Variants in TTC17 observed in about 807,000 individuals in gnomAD.
TTC17 encodes the protein tetratricopeptide repeat protein 17.
A neutral mutation model predicts 143.8 loss-of-function variants in TTC17; 58 were observed. That is an observed-to-expected ratio of 0.40 (90% CI 0.33 to 0.50). The LOEUF is 0.50. Ranked by LOEUF, TTC17 falls within the 20% of genes least tolerant of loss-of-function variation. The pLI is 0.49. For missense variants in TTC17, 1,273 were observed against 1,392.5 expected, an observed-to-expected ratio of 0.91 and a Z score of 1.37; for synonymous variants, 501 against 497.8, an observed-to-expected ratio of 1.01 and a Z score of -0.09.
In TTC17 at chr11:43,490,371, C is replaced by G; in HGVS notation, c.3150+13C>G. 1 of 1,589,014 alleles carries G rather than the reference C, an allele frequency of 6.3e-7. No homozygotes were observed. Among genetic ancestry groups the G allele is most frequent in the Non-Finnish European group, 8.6e-7 (1 of 1,163,552 alleles). On this transcript the variant is annotated intron_variant, in intron 22 of 23. Coordinates refer to ENST00000039989, the MANE Select transcript of TTC17 (RefSeq NM_018259.6). ...ACACCAGATGAAGGTGAGTGGGACT[C>G]AGAAGGTGGGAACTTCTGCCCCTTT... is the stretch of plus-strand genomic sequence containing the variant.
At chr11:43,406,021 C>CA (rs1342570284) in intron 13 of TTC17, 70 bp downstream of exon 13, 32 of 1,493,934 alleles carry the variant, frequency 2.1e-5, no homozygotes, top group Non-Finnish European at 2.8e-5. Context: ...TTAAATGGAA[C>CA]AAAAAATTGA....
chr11:43,374,501 A>G (rs971838804), intron 1 of TTC17, among the ~76,000 whole-genome samples: 8 of 152,082 alleles, frequency 5.3e-5, no homozygotes, highest in Admixed American at 4.6e-4. Context: ...GGGAGAAACT[A>G]TTCTCAAACT....
At chr11:43,388,074 C>T (rs550520699) in intron 2 of TTC17, among the ~76,000 whole-genome samples, 1 of 152,286 alleles carries the variant, frequency 6.6e-6, no homozygotes, top group South Asian at 2.1e-4. Context: ...ATATGACCCC[C>T]ATATTTCTGC....
chr11:43,472,512 T>C (rs1488008582), intron 21 of TTC17, among the ~76,000 whole-genome samples: 3 of 152,216 alleles, frequency 2.0e-5, no homozygotes, highest in Admixed American at 2.0e-4. Context: ...TAAATTTATA[T>C]GTAACTAATA....
intron 1 of TTC17, among the ~76,000 whole-genome samples, chr11:43,378,370 C>T (rs1278213999): frequency 6.6e-6 from 1 of 152,182 alleles, no homozygotes; most frequent in Non-Finnish European, 1.5e-5. Context: ...CTCCTGCTTC[C>T]TTATGTAAAG....
chr11:43,368,008 A>G (rs1001177868), intron 1 of TTC17, among the ~76,000 whole-genome samples: 3 of 152,218 alleles, frequency 2.0e-5, no homozygotes, highest in East Asian at 1.9e-4. Context: ...TGAGTAAGGG[A>G]GAGAGAATGT....
At chr11:43,428,728 G>A (rs191009363) in intron 16 of TTC17, among the ~76,000 whole-genome samples, 1 of 152,368 alleles carries the variant, frequency 6.6e-6, no homozygotes, top group Non-Finnish European at 1.5e-5. Flanking sequence ...TGTGAACAGA[G>A]TATTTCCCAG....
intron 21 of TTC17, among the ~76,000 whole-genome samples, chr11:43,470,003 C>T (rs927487158): frequency 1.3e-5 from 2 of 151,878 alleles, no homozygotes; most frequent in Non-Finnish European, 2.9e-5. Flanking sequence ...GGTAAATGTT[C>T]GAGGAGACAG....
intron 2 of TTC17, among the ~76,000 whole-genome samples, chr11:43,388,035 G>A (rs890075273): frequency 9.2e-5 from 14 of 152,168 alleles, no homozygotes; most frequent in South Asian, 2.1e-4. Flanking sequence ...AGATTGACAC[G>A]TCTATATAAA....
rs530005557 is a variant in TTC17 at position 43,405,987 on chromosome 11, A to C, written c.1761+36A>C. The C allele has an allele frequency of 8.5e-5, 136 of 1,594,306 alleles. 1 individual carries two copies. The South Asian group carries it at 1.4e-3, about 16-fold the overall frequency. On this transcript the variant is annotated intron_variant, in intron 13 of 23. Transcript: ENST00000039989. ...CTTAGGCTGGTATTTATTGCCGTCC[A>C]TTCTGGGTGACTTCAGAAGCCTCTT...
At chr11:43,470,214 A>G (rs1225544021) in intron 21 of TTC17, among the ~76,000 whole-genome samples, 1 of 152,222 alleles carries the variant, frequency 6.6e-6, no homozygotes, top group Admixed American at 6.5e-5. Flanking sequence ...TTTCACATTC[A>G]TGCCGCTGCA....
chr11:43,493,849 G>A lies in TTC17; in HGVS notation c.3371G>A (p.Arg1124Gln), dbSNP rs746570970. 17 of 1,613,912 alleles carry A rather than the reference G, an allele frequency of 1.1e-5. No homozygotes were observed. Among genetic ancestry groups the A allele is most frequent in the African/African-American group, 2.7e-5 (2 of 74,898 alleles). Residue 1124 changes from arginine (R) to glutamine (Q), a missense_variant, in exon 24 of 24, where the codon CGA becomes CAA. Physicochemically the swap from Arg to Gln is conservative, Grantham distance 43. Coordinates refer to ENST00000039989, the MANE Select transcript of TTC17 (RefSeq NM_018259.6). Reference sequence around the variant, plus strand: ...CCCGAGTTTGTCCCAGCCAAGAACCGAATCCAGACCATCCAGTGTCACTTA... The same window carrying A: ...CCCGAGTTTGTCCCAGCCAAGAACCAAATCCAGACCATCCAGTGTCACTTA... ...LQPEFVPAKNRIQTIQCHLML... is the reference protein window; with the variant it reads ...LQPEFVPAKNQIQTIQCHLML...
In TTC17 at chr11:43,404,051, A is replaced by G. The variant is rs187427778; in HGVS notation, c.1386A>G (p.Gln462=). The change falls in exon 11 of 24, where the codon CAA becomes CAG. Residue 462 remains glutamine, a synonymous_variant. Coordinates refer to ENST00000039989, the MANE Select transcript of TTC17 (RefSeq NM_018259.6). ...TGATGTCTGTGAACTTTGATGTTCA[A>G]TCAAATCAGAGTGATATCAATGATT... ...SSMMSVNFDV[Q]SNQSDINDSV... 9.1e-5 allele frequency: 147 copies of G among 1,612,988 alleles called. No individual in the cohort carries two copies. The highest frequency in any genetic ancestry group is 5.7e-4 in the South Asian group (52 of 90,926).
At chr11:43,424,200 A>T (rs1268782470) in intron 16 of TTC17, among the ~76,000 whole-genome samples, 1 of 149,538 alleles carries the variant, frequency 6.7e-6, no homozygotes, top group Non-Finnish European at 1.5e-5. Flanking sequence ...TCAAGCAATT[A>T]TCTTGCCTCA....
intron 5 of TTC17, among the ~76,000 whole-genome samples, chr11:43,395,766 A>G (rs1590350399): frequency 6.6e-6 from 1 of 152,320 alleles, no homozygotes; most frequent in East Asian, 1.9e-4. Flanking sequence ...CATTAAAATA[A>G]CTCTTTTAAA....
chr11:43,462,784 A>G (rs1319558516), intron 21 of TTC17, among the ~76,000 whole-genome samples: 3 of 152,124 alleles, frequency 2.0e-5, no homozygotes, highest in Admixed American at 6.5e-5. Context: ...AGAAATAGAC[A>G]TATTCCCAAT....
chr11:43,387,144 A>G (rs542653357), intron 2 of TTC17, among the ~76,000 whole-genome samples: 3 of 152,346 alleles, frequency 2.0e-5, no homozygotes, highest in Admixed American at 6.5e-5. Flanking sequence ...AAACTTAAAC[A>G]GTTAATTCAC....
intron 1 of TTC17, among the ~76,000 whole-genome samples, chr11:43,368,246 C>G (rs1856425959): frequency 6.6e-6 from 1 of 152,120 alleles, no homozygotes; most frequent in African/African-American, 2.4e-5. Flanking sequence ...GCATAAAGTA[C>G]CATTTATATT....
Position 43,443,495 on chromosome 11 carries a change from C to T in TTC17, c.2422C>T (p.Arg808Trp), listed in dbSNP as rs749202075. ...GCGGCGTCTAGACTTACAAGGAATACGGGTGCTGAAGAAAGGTCCCCAGGA... is the reference window on the plus strand; with the variant it reads ...GCGGCGTCTAGACTTACAAGGAATATGGGTGCTGAAGAAAGGTCCCCAGGA... ...KGRRLDLQGI[R>W]VLKKGPQDGV... Residue 808 changes from arginine (R) to tryptophan (W), a missense_variant, in exon 17 of 24, where the codon CGG (arginine) becomes TGG (tryptophan). Physicochemically the swap from Arg to Trp is moderately radical, Grantham distance 101. Coordinates refer to ENST00000039989, the MANE Select transcript of TTC17 (RefSeq NM_018259.6). The T allele has an allele frequency of 1.2e-5, 20 of 1,613,968 alleles. No individual in the cohort carries two copies. The highest frequency in any genetic ancestry group is 1.7e-5 in the Admixed American group (1 of 59,984).
Sources: allele counts gnomAD v4.1 joint callset (sites outside exome capture counted in the v4.1 genomes callset), GRCh38; gene constraint gnomAD v4.1.1; transcripts MANE v1.5; gene names NCBI Gene and HGNC (gene_info 2026-07-23, HGNC 2026-07-21).